The following PKN2 variants were observed in gnomAD, a reference collection of about 807,000 sequenced individuals.
PKN2 encodes protein kinase N2.
In PKN2, 38 loss-of-function variants were observed where a neutral mutation model predicts 119.1. That is an observed-to-expected ratio of 0.32 (90% confidence interval 0.25 to 0.42). The LOEUF (loss-of-function observed/expected upper bound fraction) is 0.42. Ranked by LOEUF, PKN2 falls within the 10% of genes least tolerant of loss-of-function variation. The pLI, the probability that PKN2 is intolerant of heterozygous loss-of-function variation, is 1.00. For synonymous variants in PKN2, 390 were observed against 384.9 expected, an observed-to-expected ratio of 1.01 and a Z score of -0.15; for missense variants, 850 against 1,165.1, an observed-to-expected ratio of 0.73 and a Z score of 3.94.
chr1:88,753,020 T>G (rs1669061661), intron 2 of PKN2, among the ~76,000 whole-genome samples: 1 of 152,152 alleles, frequency 6.6e-6, no homozygotes, highest in Non-Finnish European at 1.5e-5. Context: ...TCGATTGTTT[T>G]GGAAATTGAT....
chr1:88,700,632 A>G (rs1666734944), intron 1 of PKN2, among the ~76,000 whole-genome samples: 1 of 152,224 alleles, frequency 6.6e-6, no homozygotes. Context: ...ACGGCTGTCC[A>G]TACTTTGTTG....
At chr1:88,766,165 A>G (rs1204046535) in intron 3 of PKN2, among the ~76,000 whole-genome samples, 1 of 152,210 alleles carries the variant, frequency 6.6e-6, no homozygotes, top group Non-Finnish European at 1.5e-5. Flanking sequence ...TTCCTAGTGC[A>G]TATAATAATC....
chr1:88,719,479 A>G (rs1667582664), intron 1 of PKN2, among the ~76,000 whole-genome samples: 1 of 151,990 alleles, frequency 6.6e-6, no homozygotes. Context: ...TCATCCATCT[A>G]TTTATATTAG....
chr1:88,799,803 C>CT (rs1447325634), intron 8 of PKN2, among the ~76,000 whole-genome samples: 1 of 152,146 alleles, frequency 6.6e-6, no homozygotes, highest in African/African-American at 2.4e-5. Flanking sequence ...GTTGGTTTAA[C>CT]TTTAATCACA....
chr1:88,734,969 A>G (rs1452997227), intron 1 of PKN2, among the ~76,000 whole-genome samples: 1 of 39,272 alleles, frequency 2.5e-5, no homozygotes, highest in East Asian at 6.9e-4. Context: ...GCAAATTAAA[A>G]TAGTTATTAT....
intron 1 of PKN2, among the ~76,000 whole-genome samples, chr1:88,687,016 T>C (rs1666129538): frequency 6.6e-6 from 1 of 152,156 alleles, no homozygotes; most frequent in African/African-American, 2.4e-5. Flanking sequence ...ACTTGTTTAC[T>C]CTGAAAGTTA....
chr1:88,691,095 G>C (rs931228136), intron 1 of PKN2, among the ~76,000 whole-genome samples: 3 of 152,004 alleles, frequency 2.0e-5, no homozygotes, highest in Admixed American at 1.3e-4. Context: ...ACAGGATCTC[G>C]TTCTGTCACC....
chr1:88,691,178 C>G (rs1362213130), intron 1 of PKN2, among the ~76,000 whole-genome samples: 1 of 152,080 alleles, frequency 6.6e-6, no homozygotes, highest in East Asian at 1.9e-4. Flanking sequence ...ATTCGCCCAT[C>G]TCAGCCTCCC....
At chr1:88,808,717 G>A (rs933614196) in intron 15 of PKN2, among the ~76,000 whole-genome samples, 1 of 152,114 alleles carries the variant, frequency 6.6e-6, no homozygotes, top group African/African-American at 2.4e-5. Context: ...GGACATTATT[G>A]TATAAAAATG....
chr1:88,706,959 A>C (rs1367497853), intron 1 of PKN2, among the ~76,000 whole-genome samples: 1 of 151,610 alleles, frequency 6.6e-6, no homozygotes, highest in Non-Finnish European at 1.5e-5. Context: ...CATTGTCTTT[A>C]TGTTTGGTCA....
chr1:88,805,833 C>T (rs762159862), intron 11 of PKN2, 58 bp from the exon 12 acceptor site: 8 of 1,608,630 alleles, frequency 5.0e-6, no homozygotes, highest in Non-Finnish European at 6.8e-6. Flanking sequence ...AATTTTAAAG[C>T]TGTTTAAAAT....
chr1:88,702,561 G>T (rs1666815768), intron 1 of PKN2, among the ~76,000 whole-genome samples: 1 of 152,008 alleles, frequency 6.6e-6, no homozygotes, highest in Non-Finnish European at 1.5e-5. Context: ...GAGATCAACA[G>T]TAAAAAAAGA....
intron 2 of PKN2, among the ~76,000 whole-genome samples, chr1:88,741,933 A>C (rs1028970845): frequency 2.0e-5 from 3 of 152,070 alleles, no homozygotes; most frequent in African/African-American, 7.2e-5. Context: ...ATGGTACAGA[A>C]AATAAAGATT....
At chr1:88,807,166 A>AT (rs1182077899) in intron 12 of PKN2, 147 bp from the exon 13 acceptor site, 8 of 607,862 alleles carry the variant, frequency 1.3e-5, no homozygotes, top group Non-Finnish European at 1.9e-5. Context: ...AGAAAAAAAA[A>AT]TTTTTTTAAA....
chr1:88,807,510 T>G lies in PKN2; in HGVS notation c.1935-19T>G, dbSNP rs1482133326. 1.2e-6 allele frequency: 2 copies of G among 1,604,708 alleles called. No homozygotes were observed. The highest frequency in any genetic ancestry group is 3.4e-5 in the Admixed American group (2 of 58,484). ...CCATACTTTATTGTCTTATTATTAA[T>G]TGAAATTTCTCTTTTCAGATCTCAG... On this transcript the variant is annotated intron_variant, in intron 13 of 21. Coordinates refer to ENST00000370521, the MANE Select transcript of PKN2 (RefSeq NM_006256.4).
chr1:88,700,851 TAA>T (rs1666743478), intron 1 of PKN2, among the ~76,000 whole-genome samples: 1 of 152,242 alleles, frequency 6.6e-6, no homozygotes, highest in Non-Finnish European at 1.5e-5. Context: ...GTTTGTTGAG[TAA>T]ATAACAGTCT....
rs761422977 is a variant in PKN2 at position 88,807,517 on chromosome 1, T to C, written c.1935-12T>C. 4 of 1,608,856 alleles carry C rather than the reference T, an allele frequency of 2.5e-6. No individual in the cohort carries two copies. The South Asian group carries it at 4.4e-5, about 18-fold the overall frequency. ...TTATTGTCTTATTATTAATTGAAATTTCTCTTTTCAGATCTCAGCAAAGGT... is the reference window on the plus strand; with the variant it reads ...TTATTGTCTTATTATTAATTGAAATCTCTCTTTTCAGATCTCAGCAAAGGT... On this transcript the variant is annotated splice_polypyrimidine_tract_variant and intron_variant, in intron 13 of 21. Transcript: ENST00000370521.
chr1:88,689,798 G>A (rs554022388), intron 1 of PKN2, among the ~76,000 whole-genome samples: 1 of 152,014 alleles, frequency 6.6e-6, no homozygotes, highest in African/African-American at 2.4e-5. Context: ...GTGACAGAGT[G>A]AGAACCTGTC....
intron 1 of PKN2, among the ~76,000 whole-genome samples, chr1:88,724,882 G>GTTTTTTTTTTTTTTTTTTTTTTTTTT (rs60507382): frequency 9.4e-6 from 1 of 106,012 alleles, no homozygotes; most frequent in African/African-American, 4.3e-5. Context: ...CCACCCCTTG[G>GTTTTTTTTTTTTTTTTTTTTTTTTTT]TTTTTTTTTT....
Sources: allele counts gnomAD v4.1 joint callset (sites outside exome capture counted in the v4.1 genomes callset), GRCh38; gene constraint gnomAD v4.1.1; transcripts MANE v1.5; gene names NCBI Gene and HGNC (gene_info 2026-07-23, HGNC 2026-07-21).